Variants in GPC5 observed in about 807,000 individuals in gnomAD.
GPC5 encodes glypican-5.
In GPC5, 47 loss-of-function variants were observed where a neutral mutation model predicts 53.9. That is an observed-to-expected ratio of 0.87 (90% CI 0.69 to 1.11). The LOEUF (loss-of-function observed/expected upper bound fraction) is 1.11, where lower values mean the gene tolerates loss of function less well. GPC5 is among the 50% of genes most tolerant of loss of function. The pLI, the probability that GPC5 is intolerant of heterozygous loss-of-function variation, is 0.00. For missense variants in GPC5, 748 were observed against 713.1 expected (o/e 1.05, Z -0.56); for synonymous variants, 286 against 263.3 (o/e 1.09, Z -0.84).
At chr13:92,122,740 C>CT (rs3058805) in intron 6 of GPC5, among the ~76,000 whole-genome samples, 6,664 of 67,054 alleles carry the variant, frequency 0.099, 668 homozygotes, top group Non-Finnish European at 0.12. Context: ...ATAGGTCAGT[C>CT]TTTTTTTTTT....
At chr13:91,660,921 TCTA>T (rs1220563367) in intron 2 of GPC5, among the ~76,000 whole-genome samples, 1 of 152,186 alleles carries the variant, frequency 6.6e-6, no homozygotes, top group East Asian at 1.9e-4. Context: ...ATATTTAGTA[TCTA>T]CTATGTACAA....
intron 7 of GPC5, among the ~76,000 whole-genome samples, chr13:92,706,308 A>G (rs1047666707): frequency 1.3e-5 from 2 of 152,096 alleles, no homozygotes; most frequent in African/African-American, 4.8e-5. Context: ...TGAATTTAAT[A>G]CAAATAAGGC....
chr13:92,419,918 A>T (rs954969263), intron 7 of GPC5, among the ~76,000 whole-genome samples: 7 of 152,036 alleles, frequency 4.6e-5, no homozygotes, highest in Non-Finnish European at 8.8e-5. Flanking sequence ...TCTGAATGGG[A>T]TGGATGAATA....
chr13:91,721,164 C>T (rs1419886504), intron 3 of GPC5, among the ~76,000 whole-genome samples: 1 of 147,216 alleles, frequency 6.8e-6, no homozygotes, highest in Non-Finnish European at 1.5e-5. Flanking sequence ...GACTGAGTTT[C>T]ACTCTTGTTG....
chr13:91,914,879 A>T (rs1351621831), intron 6 of GPC5, among the ~76,000 whole-genome samples: 1 of 152,180 alleles, frequency 6.6e-6, no homozygotes, highest in Non-Finnish European at 1.5e-5. Context: ...TATAAAACAA[A>T]TTTTATAAAC....
At chr13:92,236,289 C>T (rs7990885) in intron 7 of GPC5, among the ~76,000 whole-genome samples, 97,303 of 151,880 alleles carry the variant, frequency 0.64, 32,139 homozygotes, top group African/African-American at 0.79. Context: ...GAAACTTGTA[C>T]CTACAAATTT....
intron 6 of GPC5, among the ~76,000 whole-genome samples, chr13:91,920,923 T>TC (rs2039705837): frequency 1.7e-5 from 1 of 59,030 alleles, no homozygotes; most frequent in Admixed American, 1.5e-4. Flanking sequence ...TCTCTCTCTC[T>TC]CTCTTTTTTT....
At chr13:92,152,149 A>G (rs1023281847) in intron 7 of GPC5, among the ~76,000 whole-genome samples, 3 of 152,242 alleles carry the variant, frequency 2.0e-5, no homozygotes, top group African/African-American at 7.2e-5. Context: ...TTGAATACAC[A>G]AGTGGAGTTT....
intron 7 of GPC5, among the ~76,000 whole-genome samples, chr13:92,206,742 T>C (rs1182816817): frequency 6.6e-6 from 1 of 152,138 alleles, no homozygotes; most frequent in African/African-American, 2.4e-5. Flanking sequence ...GTATGGCAGA[T>C]GGAATCTGAA....
At chr13:91,886,197 A>G (rs9556128) in intron 5 of GPC5, among the ~76,000 whole-genome samples, 47,083 of 152,122 alleles carry the variant, frequency 0.31, 9,235 homozygotes, top group East Asian at 0.66. Flanking sequence ...AATGTCTTAC[A>G]TGGTGGCGGG....
At chr13:92,699,301 A>C (rs918974044) in intron 7 of GPC5, among the ~76,000 whole-genome samples, 13 of 152,002 alleles carry the variant, frequency 8.6e-5, no homozygotes, top group Non-Finnish European at 1.6e-4. Flanking sequence ...TATTCCATCT[A>C]TTAGATTCTT....
intron 2 of GPC5, among the ~76,000 whole-genome samples, chr13:91,466,929 G>A (rs1882275986): frequency 6.6e-6 from 1 of 152,058 alleles, no homozygotes; most frequent in Non-Finnish European, 1.5e-5. Flanking sequence ...AGTATATATT[G>A]AATGCTGGGC....
intron 7 of GPC5, among the ~76,000 whole-genome samples, chr13:92,576,321 C>T (rs1487135581): frequency 3.9e-5 from 6 of 152,130 alleles, no homozygotes; most frequent in African/African-American, 9.7e-5. Flanking sequence ...TGAAGGCAGA[C>T]GGTACCTAGG....
rs1042504485 is a variant in GPC5 at position 91,410,580 on chromosome 13, T to C, written c.163+11371T>C. 6.7e-4 allele frequency among the ~76,000 whole-genome samples: 101 copies of C among 151,872 alleles called. 1 individual carries two copies. Among genetic ancestry groups the C allele is most frequent in the African/African-American group, 2.4e-3 (100 of 41,494 alleles). ...CCAGGATGGTCTCGATCTCCTGACC[T>C]CGTGATCCGCCCGCCTTGGCCTCCC... On this transcript the variant is annotated intron_variant, in intron 1 of 7. Transcript: ENST00000377067.
intron 4 of GPC5, among the ~76,000 whole-genome samples, chr13:91,745,194 A>G (rs556561249): frequency 6.6e-6 from 1 of 152,164 alleles, no homozygotes; most frequent in East Asian, 1.9e-4. Context: ...TTGAAAACCC[A>G]GTTTTGATAA....
At position 91,827,918 on chromosome 13, in the gene GPC5, C is replaced by A. The variant is rs368973863; in HGVS notation, c.1280+71498C>A. Among the ~76,000 whole-genome samples, 101 of 151,888 alleles carry A rather than the reference C, an allele frequency of 6.6e-4. 2 individuals are homozygous for A. The South Asian group carries it at 0.02, about 30-fold the overall frequency. On this transcript the variant is annotated intron_variant, in intron 5 of 7. Coordinates refer to ENST00000377067, the MANE Select transcript of GPC5 (RefSeq NM_004466.6). ...TCACAGCATCATTATTCAAAATAAC[C>A]CAACATTGTAAAATGGAAATATCCA... is the stretch of plus-strand genomic sequence containing the variant.
chr13:92,660,955 G>A (rs1007517631), intron 7 of GPC5, among the ~76,000 whole-genome samples: 4 of 151,822 alleles, frequency 2.6e-5, no homozygotes, highest in African/African-American at 9.7e-5. Flanking sequence ...ATATTAGATA[G>A]AAGTTCTCCT....
chr13:92,032,319 A>G (rs2040858899), intron 6 of GPC5, among the ~76,000 whole-genome samples: 1 of 151,578 alleles, frequency 6.6e-6, no homozygotes, highest in East Asian at 1.9e-4. Context: ...ATAAAAGACT[A>G]CAAATTGAGT....
At chr13:92,521,038 A>G (rs1881022641) in intron 7 of GPC5, among the ~76,000 whole-genome samples, 1 of 152,320 alleles carries the variant, frequency 6.6e-6, no homozygotes. Context: ...TGATTCAAAG[A>G]GAATAAAATA....
Sources: gnomAD v4.1 joint callset for allele counts (sites outside exome capture counted in the v4.1 genomes callset) on GRCh38, gnomAD v4.1.1 for gene constraint, MANE v1.5 for transcripts, NCBI Gene and HGNC (gene_info 2026-07-23, HGNC 2026-07-21) for gene names.